The following TESK2 variants were observed in gnomAD, a reference collection of about 807,000 sequenced individuals.
TESK2 encodes the protein dual specificity testis-specific protein kinase 2.
TESK2 carries 39 observed loss-of-function variants against 57.1 expected under a neutral mutation model. The observed-to-expected ratio is 0.68, with a 90% confidence interval of 0.53 to 0.89. The LOEUF is 0.89. Among genes scored for constraint, TESK2 ranks in the 40% least tolerant of loss-of-function variants. TESK2 has a pLI of 0.00. For missense variants in TESK2, 646 were observed against 732.1 expected (o/e 0.88, Z 1.36); for synonymous variants, 249 against 267.9 (o/e 0.93, Z 0.69).
chr1:45,475,385 T>A (rs1157025000), intron 1 of TESK2, among the ~76,000 whole-genome samples: 1 of 152,012 alleles, frequency 6.6e-6, no homozygotes, highest in Admixed American at 6.6e-5. Flanking sequence ...TTTTGTATTT[T>A]TAGTGGAGAC....
At chr1:45,377,793 C>T (rs1648492875) in intron 4 of TESK2, among the ~76,000 whole-genome samples, 1 of 148,886 alleles carries the variant, frequency 6.7e-6, no homozygotes, top group Non-Finnish European at 1.5e-5. Context: ...TTTGGGAGGC[C>T]GAGGTGGGCG....
intron 3 of TESK2, among the ~76,000 whole-genome samples, chr1:45,390,460 T>C (rs537291694): frequency 6.6e-6 from 1 of 151,716 alleles, no homozygotes; most frequent in East Asian, 1.9e-4. Context: ...CGAGACTCTG[T>C]CTAAAAAATA....
chr1:45,464,685 C>T (rs1467685664), intron 1 of TESK2, among the ~76,000 whole-genome samples: 2 of 152,204 alleles, frequency 1.3e-5, no homozygotes, highest in African/African-American at 4.8e-5. Flanking sequence ...CCTCAGTGCC[C>T]TCAGGGTTCC....
intron 3 of TESK2, chr1:45,398,642 A>G (rs1274801993): frequency 5.7e-6 from 1 of 174,572 alleles, no homozygotes; most frequent in Non-Finnish European, 1.2e-5. Flanking sequence ...TACCTCTTCC[A>G]TGATATTAAA....
intron 2 of TESK2, among the ~76,000 whole-genome samples, chr1:45,428,845 G>A (rs1187734266): frequency 1.3e-4 from 9 of 68,244 alleles, no homozygotes; most frequent in Admixed American, 6.5e-4. Flanking sequence ...TTTTTGAGAC[G>A]GAGTCTCGCT....
At chr1:45,396,180 GGC>G (rs1339427453) in intron 3 of TESK2, among the ~76,000 whole-genome samples, 1 of 151,910 alleles carries the variant, frequency 6.6e-6, no homozygotes, top group Non-Finnish European at 1.5e-5. Context: ...AGCGCTATCT[GGC>G]CTCCATGTTC....
intron 1 of TESK2, among the ~76,000 whole-genome samples, chr1:45,475,030 T>C (rs1395089517): frequency 7.5e-6 from 1 of 132,582 alleles, no homozygotes; most frequent in Admixed American, 8.7e-5. Flanking sequence ...ATGGGCTGGG[T>C]GCACAGCATG....
intron 1 of TESK2, among the ~76,000 whole-genome samples, chr1:45,472,450 T>C (rs1386907570): frequency 1.3e-5 from 2 of 149,408 alleles, no homozygotes; most frequent in African/African-American, 5.0e-5. Flanking sequence ...CCCAGCTACT[T>C]GGGAGGCTAA....
At chr1:45,418,825 A>G (rs1234871382) in intron 3 of TESK2, among the ~76,000 whole-genome samples, 1 of 152,152 alleles carries the variant, frequency 6.6e-6, no homozygotes, top group African/African-American at 2.4e-5. Context: ...TCCTTTTAAA[A>G]ATCAAGGTTC....
chr1:45,490,809 C>G (rs1473943680), intron 1 of TESK2, 43 bp downstream of exon 1: 1 of 152,770 alleles, frequency 6.5e-6, no homozygotes, highest in Non-Finnish European at 1.5e-5. Context: ...GCGGGCCAGG[C>G]AGGATGCCCG....
At chr1:45,376,297 C>G (rs1648423682) in intron 4 of TESK2, among the ~76,000 whole-genome samples, 3 of 145,740 alleles carry the variant, frequency 2.1e-5, no homozygotes, top group Non-Finnish European at 3.0e-5. Context: ...GGCTTTGTAG[C>G]CTCTGCCTCC....
chr1:45,358,537 G>A (rs1490048871), intron 4 of TESK2, among the ~76,000 whole-genome samples: 1 of 151,986 alleles, frequency 6.6e-6, no homozygotes, highest in Non-Finnish European at 1.5e-5. Flanking sequence ...TATTTATATA[G>A]TATCTAAATT....
intron 3 of TESK2, among the ~76,000 whole-genome samples, chr1:45,416,643 C>T (rs1197227922): frequency 2.6e-5 from 4 of 152,098 alleles, no homozygotes; most frequent in Non-Finnish European, 5.9e-5. Context: ...TTATTATTAA[C>T]TATAGTCACC....
At chr1:45,391,505 G>A (rs1281336132) in intron 3 of TESK2, among the ~76,000 whole-genome samples, 1 of 152,042 alleles carries the variant, frequency 6.6e-6, no homozygotes, top group Non-Finnish European at 1.5e-5. Flanking sequence ...TCTCACTATG[G>A]AAGATTCAGA....
chr1:45,454,467 CAG>C (rs1422231981), intron 2 of TESK2, among the ~76,000 whole-genome samples: 11 of 151,620 alleles, frequency 7.3e-5, no homozygotes. Context: ...CCCCCAGAGA[CAG>C]AGTTTCGTCA....
intron 3 of TESK2, among the ~76,000 whole-genome samples, chr1:45,400,581 G>A (rs1570691708): frequency 6.6e-6 from 1 of 152,166 alleles, no homozygotes; most frequent in African/African-American, 2.4e-5. Flanking sequence ...TTGTAAACTA[G>A]CATAAGGAAA....
chr1:45,448,013 A>ATGTGTGTGTG (rs149120113), intron 2 of TESK2, among the ~76,000 whole-genome samples: 1 of 148,278 alleles, frequency 6.7e-6, no homozygotes, highest in African/African-American at 2.5e-5. Context: ...GGAAGACTCA[A>ATGTGTGTGTG]TGTGTGTGTG....
intron 4 of TESK2, among the ~76,000 whole-genome samples, chr1:45,371,707 A>G (rs920970810): frequency 4.0e-5 from 6 of 151,610 alleles, no homozygotes; most frequent in Admixed American, 6.6e-5. Context: ...TACAAAAAAT[A>G]CCAAAAAAAA....
At chr1:45,404,534 T>C (rs1649755148) in intron 3 of TESK2, among the ~76,000 whole-genome samples, 1 of 151,976 alleles carries the variant, frequency 6.6e-6, no homozygotes, top group Non-Finnish European at 1.5e-5. Flanking sequence ...AGTATATTTC[T>C]ATTTTATTTA....
Sources: gnomAD v4.1 joint callset for allele counts (sites outside exome capture counted in the v4.1 genomes callset) on GRCh38, gnomAD v4.1.1 for gene constraint, MANE v1.5 for transcripts, NCBI Gene and HGNC (gene_info 2026-07-23, HGNC 2026-07-21) for gene names.